BAZ1B: variants seen among roughly 807,000 people sequenced by gnomAD.
BAZ1B encodes the protein tyrosine-protein kinase BAZ1B.
Under a neutral mutation model 153.8 loss-of-function variants are expected in BAZ1B, and 22 were observed. That is an observed-to-expected ratio of 0.14 (90% CI 0.10 to 0.20). The LOEUF is 0.20. Ranked by LOEUF, BAZ1B falls within the 10% of genes least tolerant of loss-of-function variation. The pLI is 1.00. For missense variants in BAZ1B, 1,325 were observed against 1,799.3 expected, an observed-to-expected ratio of 0.74 and a Z score of 4.77; for synonymous variants, 676 against 633.4, an observed-to-expected ratio of 1.07 and a Z score of -1.01.
chr7:73,447,456 G>A (rs546709642), intron 15 of BAZ1B, 77 bp from the exon 16 acceptor site: 381 of 1,499,930 alleles, frequency 2.5e-4, no homozygotes, highest in Non-Finnish European at 3.2e-4. Context: ...ATCCCACAGG[G>A]ATCAGGAAAC....
chr7:73,478,204 C>T lies in BAZ1B; in HGVS notation c.1257G>A (p.Gly419=), dbSNP rs373673028. Residue 419 remains glycine (G), a synonymous_variant, in exon 7 of 20, where the codon GGG becomes GGA. Coordinates refer to ENST00000339594, the MANE Select transcript of BAZ1B (RefSeq NM_032408.4). ...KGILNGQKST[G]NSKSPKKGLK... is the part of the protein sequence containing the mutation. ...GTCCTTTTTTGGGAGATTTGGAATTCCCTGTGGATTTCTGTCCATTCAGGA... is the reference window on the plus strand; with the variant it reads ...GTCCTTTTTTGGGAGATTTGGAATTTCCTGTGGATTTCTGTCCATTCAGGA... The T allele has an allele frequency of 1.9e-6, 3 of 1,613,978 alleles. No homozygotes were observed. The highest frequency in any genetic ancestry group is 1.3e-5 in the African/African-American group (1 of 74,886).
intron 18 of BAZ1B, 69 bp from the exon 19 acceptor site, chr7:73,442,622 C>A: frequency 6.4e-7 from 1 of 1,556,594 alleles, no homozygotes; most frequent in Non-Finnish European, 8.7e-7. Context: ...TGAGACACGT[C>A]CTGAAAAGCA....
intron 1 of BAZ1B, among the ~76,000 whole-genome samples, chr7:73,514,385 T>G (rs2115592362): frequency 6.6e-6 from 1 of 151,904 alleles, no homozygotes; most frequent in Middle Eastern, 3.4e-3. Context: ...TACAAAAAAT[T>G]AGCCAGGCGT....
chr7:73,443,553 G>T (rs1193638624), intron 17 of BAZ1B, among the ~76,000 whole-genome samples: 1 of 152,146 alleles, frequency 6.6e-6, no homozygotes, highest in Non-Finnish European at 1.5e-5. Context: ...TAAAGCTCAA[G>T]TGAGATCTAA....
chr7:73,491,146 C>T (rs1243736668), intron 5 of BAZ1B, among the ~76,000 whole-genome samples: 2 of 151,828 alleles, frequency 1.3e-5, no homozygotes, highest in Non-Finnish European at 2.9e-5. Context: ...CTTAGCCGGG[C>T]ACGGTGGCGG....
At position 73,521,870 on chromosome 7, in the gene BAZ1B, G is replaced by A; in HGVS notation, c.64C>T (p.Leu22Phe). ...TCCTGAGTGTGCGGGATGGTGAAGA[G>A]CGGCTCCTCTCCGGGCAACGGCTTC... is the stretch of plus-strand genomic sequence containing the variant. ...LVKPLPGEEP[L>F]FTIPHTQEAF... Residue 22 changes from leucine (L) to phenylalanine (F), a missense_variant, in exon 1 of 20, where the codon CTC (leucine) becomes TTC (phenylalanine). By Grantham distance (22) the Leu-to-Phe change is conservative. Coordinates refer to ENST00000339594, the MANE Select transcript of BAZ1B (RefSeq NM_032408.4). 6.6e-7 allele frequency: 1 copy of A among 1,508,578 alleles called. No individual in the cohort carries two copies. Among genetic ancestry groups the A allele is most frequent in the Non-Finnish European group, 8.9e-7 (1 of 1,124,768 alleles). The allele number at this position is 1,508,578 out of a possible 1,614,324, so 93.4% of individuals were successfully genotyped here. A position where few individuals can be genotyped will look rare whatever the true frequency, so the allele number is the denominator to read the frequency against.
intron 12 of BAZ1B, chr7:73,462,662 T>G: frequency 2.3e-6 from 1 of 443,960 alleles, no homozygotes; most frequent in East Asian, 4.7e-5. Flanking sequence ...CTACAACCAG[T>G]TTTCATTCAC....
chr7:73,466,353 C>T lies in BAZ1B; in HGVS notation c.2915G>A (p.Gly972Glu). 1.2e-6 allele frequency: 2 copies of T among 1,613,968 alleles called. No homozygotes were observed. The highest frequency in any genetic ancestry group is 2.2e-5 in the East Asian group (1 of 44,838). The change falls in exon 10 of 20, where the codon GGA becomes GAA. Residue 972 changes from glycine to glutamate, a missense_variant. By Grantham distance (98) the Gly-to-Glu change is moderately conservative (BLOSUM62 -2). Transcript: ENST00000339594. Reference sequence around the variant, plus strand: ...CTCTACAGCAACTTCTGTTGCTGTTCCATGTTGTGTGTTCATGCTTGCATT... The same window carrying T: ...CTCTACAGCAACTTCTGTTGCTGTTTCATGTTGTGTGTTCATGCTTGCATT... Reference protein sequence around the residue: ...GKNASMNTQHGTATEVAVETT... With the variant: ...GKNASMNTQHETATEVAVETT...
At chr7:73,442,602 C>A (rs1355589484) in intron 18 of BAZ1B, 49 bp from the exon 19 acceptor site, 2 of 1,563,434 alleles carry the variant, frequency 1.3e-6, no homozygotes, top group Non-Finnish European at 8.7e-7. Flanking sequence ...GACGGCAGTG[C>A]CCCTGCCACT....
At chr7:73,455,507 C>T (rs1240668978) in intron 13 of BAZ1B, among the ~76,000 whole-genome samples, 2 of 151,904 alleles carry the variant, frequency 1.3e-5, no homozygotes, top group African/African-American at 4.8e-5. Flanking sequence ...TGTGGCTGGG[C>T]GAGGTGGCTC....
chr7:73,513,514 A>G (rs1554578851), intron 1 of BAZ1B, among the ~76,000 whole-genome samples: 1 of 152,150 alleles, frequency 6.6e-6, no homozygotes, highest in African/African-American at 2.4e-5. Context: ...CCATATACAG[A>G]TATGTAAATC....
At chr7:73,508,960 C>T (rs1306965858) in intron 2 of BAZ1B, among the ~76,000 whole-genome samples, 1 of 151,008 alleles carries the variant, frequency 6.6e-6, no homozygotes, top group Non-Finnish European at 1.5e-5. Context: ...TTACAGTGAG[C>T]CGAGATCGCA....
rs933073373 is a variant in BAZ1B, at chr7:73,521,817, A to T, written c.107+10T>A. ...GGCCCAGCCCGGCCCGCGCGGCTGG[A>T]AAAGGATACTCCCGGGTGCGGAAGG... On this transcript the variant is annotated intron_variant, in intron 1 of 19. Coordinates refer to ENST00000339594, the MANE Select transcript of BAZ1B (RefSeq NM_032408.4). 20 of 1,486,674 alleles carry T rather than the reference A, an allele frequency of 1.3e-5. No individual in the cohort carries two copies. In the African/African-American group the frequency reaches 2.4e-4, roughly 18 times the overall value. 92.1% of individuals were successfully genotyped at this position (1,486,674 alleles called of 1,614,324 possible). A position where few individuals can be genotyped will look rare whatever the true frequency, so the allele number is the denominator to read the frequency against.
At chr7:73,507,830 T>C (rs1183751304) in intron 3 of BAZ1B, among the ~76,000 whole-genome samples, 1 of 152,084 alleles carries the variant, frequency 6.6e-6, no homozygotes, top group African/African-American at 2.4e-5. Context: ...ACTGCACCAC[T>C]GCACTCTAGA....
Position 73,492,664 on chromosome 7 carries a change from G to A in BAZ1B, c.693+136C>T, listed in dbSNP as rs868964579. Reference sequence around the variant, plus strand: ...CATTAACTTGAAGTCATTAATTACTGTAACTACAAAACCACTCAGAATCTG... The same window carrying A: ...CATTAACTTGAAGTCATTAATTACTATAACTACAAAACCACTCAGAATCTG... On this transcript the variant is annotated intron_variant, in intron 5 of 19. Coordinates refer to ENST00000339594, the MANE Select transcript of BAZ1B (RefSeq NM_032408.4). 1.2e-5 allele frequency: 10 copies of A among 809,168 alleles called. No individual in the cohort carries two copies. In the African/African-American group the frequency reaches 1.6e-4, roughly 13 times the overall value. 50.1% of individuals were successfully genotyped at this position (809,168 alleles called of 1,614,324 possible).
At chr7:73,513,648 G>T (rs549610577) in intron 1 of BAZ1B, among the ~76,000 whole-genome samples, 4 of 152,230 alleles carry the variant, frequency 2.6e-5, no homozygotes, top group South Asian at 4.1e-4. Context: ...GGAAGGGATG[G>T]GTAGTAAAAT....
In BAZ1B at chr7:73,515,531, CTTTTTTTTTTT is replaced by C. The variant is rs869065388; in HGVS notation, c.108-4690_108-4680del. 3.1e-4 allele frequency among the ~76,000 whole-genome samples: 34 copies of C among 111,398 alleles called. No homozygotes were observed. In the South Asian group the frequency reaches 5.8e-3, roughly 19 times the overall value. The allele number at this position is 111,398 out of a possible 152,430, so 73.1% of individuals were successfully genotyped here. ...AGGGTCTGCCCCTCCAGCCTTGTTC[CTTTTTTTTTTT>C]TTTTTTTTTTTTTGAAGCAGGGTCT... On this transcript the variant is annotated intron_variant, in intron 1 of 19. Transcript: ENST00000339594.
chr7:73,512,296 G>A (rs1338118376), intron 1 of BAZ1B, among the ~76,000 whole-genome samples: 1 of 149,902 alleles, frequency 6.7e-6, no homozygotes, highest in Admixed American at 6.7e-5. Context: ...AGTTTTTTGT[G>A]TGATTTTTTT....
chr7:73,485,143 A>G (rs556692692), intron 6 of BAZ1B, among the ~76,000 whole-genome samples: 29 of 152,170 alleles, frequency 1.9e-4, no homozygotes, highest in African/African-American at 6.7e-4. Flanking sequence ...CATGTTGCCC[A>G]AGAAGGTCCT....
Sources: allele counts gnomAD v4.1 joint callset (sites outside exome capture counted in the v4.1 genomes callset), GRCh38; gene constraint gnomAD v4.1.1; transcripts MANE v1.5; gene names NCBI Gene and HGNC (gene_info 2026-07-23, HGNC 2026-07-21).